ENTREP1: variants seen among roughly 807,000 people sequenced by gnomAD.
ENTREP1 encodes endosomal transmembrane epsin interactor 1.
the ENTREP1 span, among the ~76,000 whole-genome samples, chr9:69,362,668 C>G: frequency 1.3e-5 from 2 of 152,062 alleles, no homozygotes; most frequent in Non-Finnish European, 2.9e-5. Context: ...CTGGGTGTGT[C>G]TGTGAGGGTG....
the ENTREP1 span, among the ~76,000 whole-genome samples, chr9:69,326,012 G>A: frequency 6.6e-6 from 1 of 152,290 alleles, no homozygotes; most frequent in South Asian, 2.1e-4. Context: ...GAAGGACAGG[G>A]TGTGGGTGGC....
At chr9:69,372,405 C>A in the ENTREP1 span, among the ~76,000 whole-genome samples, 1 of 152,178 alleles carries the variant, frequency 6.6e-6, no homozygotes, top group Non-Finnish European at 1.5e-5. Context: ...ATTTGAGTAT[C>A]CTAGGTACCT....
At chr9:69,332,558 T>C in the ENTREP1 span, among the ~76,000 whole-genome samples, 1 of 152,250 alleles carries the variant, frequency 6.6e-6, no homozygotes, top group South Asian at 2.1e-4. Context: ...TTTGAGATTA[T>C]TGATGTTTCT....
chr9:69,370,238 G>A, the ENTREP1 span, among the ~76,000 whole-genome samples: 1 of 152,088 alleles, frequency 6.6e-6, no homozygotes, highest in Non-Finnish European at 1.5e-5. Context: ...TAGTAACAGT[G>A]ATTGTGTTAT....
chr9:69,336,244 C>T, the ENTREP1 span: 5 of 1,589,904 alleles, frequency 3.1e-6, no homozygotes, highest in Non-Finnish European at 4.3e-6. Context: ...GGATTAACAA[C>T]TTGGAAAAGG....
the ENTREP1 span, among the ~76,000 whole-genome samples, chr9:69,354,156 G>T: frequency 1.3e-5 from 2 of 150,628 alleles, no homozygotes; most frequent in East Asian, 3.9e-4. Flanking sequence ...TTTATAATTG[G>T]TTTGTTTTAA....
At chr9:69,349,897 G>T in the ENTREP1 span, among the ~76,000 whole-genome samples, 1 of 152,076 alleles carries the variant, frequency 6.6e-6, no homozygotes, top group Non-Finnish European at 1.5e-5. Context: ...TAGTTTAATG[G>T]GTATTTGAAG....
At chr9:69,328,443 G>A in the ENTREP1 span, among the ~76,000 whole-genome samples, 6 of 152,100 alleles carry the variant, frequency 3.9e-5, no homozygotes, top group African/African-American at 1.2e-4. Flanking sequence ...AGAAAGAAGG[G>A]TGTAATGATC....
chr9:69,389,181 A>G, the ENTREP1 span, among the ~76,000 whole-genome samples: 1 of 152,134 alleles, frequency 6.6e-6, no homozygotes, highest in Non-Finnish European at 1.5e-5. Flanking sequence ...TCATTGCTGC[A>G]GGTAGTGGGG....
the ENTREP1 span, among the ~76,000 whole-genome samples, chr9:69,368,462 T>C: frequency 6.6e-6 from 1 of 152,332 alleles, no homozygotes; most frequent in East Asian, 1.9e-4. Flanking sequence ...ATTTATTGAT[T>C]TGGGCATGTT....
the ENTREP1 span, among the ~76,000 whole-genome samples, chr9:69,374,949 GT>G: frequency 6.6e-6 from 1 of 152,234 alleles, no homozygotes. Context: ...ACAGTGCACA[GT>G]TGCCTGGAAT....
At chr9:69,387,297 C>G in the ENTREP1 span, 1 of 152,574 alleles carries the variant, frequency 6.6e-6, no homozygotes. Context: ...CCTTCTTCCA[C>G]CTGCTCTCTC....
chr9:69,336,485 C>T, the ENTREP1 span, among the ~76,000 whole-genome samples: 1 of 152,090 alleles, frequency 6.6e-6, no homozygotes, highest in East Asian at 1.9e-4. Context: ...GTACCCAGTG[C>T]TATACAAGTG....
At chr9:69,329,099 G>A in the ENTREP1 span, among the ~76,000 whole-genome samples, 2 of 152,144 alleles carry the variant, frequency 1.3e-5, no homozygotes, top group East Asian at 1.9e-4. Flanking sequence ...TCACTCACAA[G>A]TTTTATTGGC....
At chr9:69,353,995 C>G in the ENTREP1 span, among the ~76,000 whole-genome samples, 1 of 151,936 alleles carries the variant, frequency 6.6e-6, no homozygotes, top group Non-Finnish European at 1.5e-5. Context: ...TCATCTGGAC[C>G]CCTATTTCCC....
the ENTREP1 span, chr9:69,325,266 C>T: frequency 7.2e-6 from 7 of 978,084 alleles, no homozygotes; most frequent in South Asian, 5.3e-5. Context: ...GTCCTCTGCC[C>T]GCCGCAGCCG....
the ENTREP1 span, chr9:69,325,235 T>TTCGGCTCGGC: frequency 9.4e-7 from 1 of 1,062,898 alleles, no homozygotes. Context: ...GTGCTGCGCC[T>TTCGGCTCGGC]TCGGCTCGGC....
the ENTREP1 span, among the ~76,000 whole-genome samples, chr9:69,358,463 G>A: frequency 6.6e-6 from 1 of 152,004 alleles, no homozygotes; most frequent in Non-Finnish European, 1.5e-5. Flanking sequence ...AGGTTTTTGT[G>A]TTCTTGTTTC....
the ENTREP1 span, among the ~76,000 whole-genome samples, chr9:69,326,017 G>A: frequency 3.3e-5 from 5 of 152,126 alleles, no homozygotes; most frequent in Admixed American, 1.3e-4. Flanking sequence ...ACAGGGTGTG[G>A]GTGGCAGGAA....
Sources: allele counts gnomAD v4.1 joint callset (sites outside exome capture counted in the v4.1 genomes callset), GRCh38; gene constraint gnomAD v4.1.1; transcripts MANE v1.5; gene names NCBI Gene and HGNC (gene_info 2026-07-23, HGNC 2026-07-21).